SIMC1: variants seen among roughly 807,000 people sequenced by gnomAD.
SIMC1 encodes the protein SUMO interacting motifs containing 1.
Under a neutral mutation model 82.3 loss-of-function variants are expected in SIMC1, and 55 were observed. That is an observed-to-expected ratio of 0.67 (90% CI 0.54 to 0.84). The LOEUF is 0.84. Ranked by LOEUF, SIMC1 falls within the 40% of genes least tolerant of loss-of-function variation. The pLI, the probability that SIMC1 is intolerant of heterozygous loss-of-function variation, is 0.00. For missense variants in SIMC1, 915 were observed against 1,107.2 expected (o/e 0.83, Z 2.46); for synonymous variants, 353 against 426.3 (o/e 0.83, Z 2.12).
chr5:176,272,087 C>T (rs1762462268), intron 1 of SIMC1, among the ~76,000 whole-genome samples: 1 of 141,190 alleles, frequency 7.1e-6, no homozygotes, highest in Admixed American at 7.6e-5. Flanking sequence ...TCACGCTGGT[C>T]ATCCCACCAC....
chr5:176,333,567 T>C (rs1581328263), intron 7 of SIMC1, among the ~76,000 whole-genome samples: 2 of 151,838 alleles, frequency 1.3e-5, no homozygotes, highest in Admixed American at 1.3e-4. Flanking sequence ...GTAGCTGAGA[T>C]GACAGGTGCG....
intron 1 of SIMC1, among the ~76,000 whole-genome samples, chr5:176,251,923 CA>C (rs1424510639): frequency 6.7e-5 from 10 of 149,814 alleles, no homozygotes; most frequent in Admixed American, 6.7e-4. Context: ...AACAGGATCC[CA>C]AGGCAGAAGA....
At chr5:176,255,341 G>A (rs1475696361) in intron 1 of SIMC1, among the ~76,000 whole-genome samples, 1 of 151,908 alleles carries the variant, frequency 6.6e-6, no homozygotes, top group Non-Finnish European at 1.5e-5. Context: ...CAGCACTTTG[G>A]GAGGCTGAGG....
At chr5:176,301,630 T>G (rs1764043442) in intron 4 of SIMC1, among the ~76,000 whole-genome samples, 1 of 151,876 alleles carries the variant, frequency 6.6e-6, no homozygotes, top group Admixed American at 6.6e-5. Context: ...ATAACAAAAA[T>G]TAACCGAGTA....
chr5:176,268,518 T>C (rs1204827514), intron 1 of SIMC1, among the ~76,000 whole-genome samples: 2 of 149,760 alleles, frequency 1.3e-5, no homozygotes, highest in East Asian at 3.9e-4. Context: ...CACAAGAAAT[T>C]TGTAGTAACT....
At chr5:176,252,821 T>C (rs1761723493) in intron 1 of SIMC1, among the ~76,000 whole-genome samples, 1 of 152,116 alleles carries the variant, frequency 6.6e-6, no homozygotes, top group Non-Finnish European at 1.5e-5. Flanking sequence ...CGAGCTGAGA[T>C]CATGCCACTG....
At position 176,285,751 on chromosome 5, in the gene SIMC1, C is replaced by A. The variant is rs368185381; in HGVS notation, c.130-3903C>A. 9.7e-4 allele frequency among the ~76,000 whole-genome samples: 148 copies of A among 152,240 alleles called. No individual in the cohort carries two copies. In the Middle Eastern group the frequency reaches 0.024, roughly 24 times the overall value. On this transcript the variant is annotated intron_variant, in intron 1 of 9. Coordinates refer to ENST00000429602, the MANE Select transcript of SIMC1 (RefSeq NM_001308195.2). ...TATTTAGAAAACCCCATCGTCTCAG[C>A]CCAAAATCTCCTTAAGCTGATAAGC...
intron 2 of SIMC1, among the ~76,000 whole-genome samples, chr5:176,293,360 G>A (rs554734571): frequency 2.6e-4 from 40 of 151,602 alleles, no homozygotes; most frequent in Non-Finnish European, 4.1e-4. Flanking sequence ...GCATGAACCC[G>A]GGAGGCGGAA....
At chr5:176,301,546 G>T (rs1193303326) in intron 4 of SIMC1, among the ~76,000 whole-genome samples, 1 of 152,182 alleles carries the variant, frequency 6.6e-6, no homozygotes, top group African/African-American at 2.4e-5. Flanking sequence ...GGGAGGCCAA[G>T]GTGGGCGGAT....
At position 176,324,618 on chromosome 5, in the gene SIMC1, T is replaced by C. The variant is rs749681123; in HGVS notation, c.2043-11T>C. 10 of 1,610,366 alleles carry C rather than the reference T, an allele frequency of 6.2e-6. No homozygotes were observed. Among genetic ancestry groups the C allele is most frequent in the African/African-American group, 2.7e-5 (2 of 74,990 alleles). On this transcript the variant is annotated splice_polypyrimidine_tract_variant and intron_variant, in intron 6 of 9. Transcript: ENST00000429602. ...CCTCACACTCATCTGTGTCCTATGTTCTGGACTCAGGATTGTGTGCCAGCT... is the reference window on the plus strand; with the variant it reads ...CCTCACACTCATCTGTGTCCTATGTCCTGGACTCAGGATTGTGTGCCAGCT...
intron 1 of SIMC1, chr5:176,261,112 T>G (rs1198287290): frequency 6.6e-6 from 1 of 152,166 alleles, no homozygotes; most frequent in African/African-American, 2.4e-5. Context: ...GTTCAAGTGA[T>G]TCTCCTGCCT....
At chr5:176,316,635 G>A (rs1764921773) in intron 5 of SIMC1, among the ~76,000 whole-genome samples, 1 of 152,032 alleles carries the variant, frequency 6.6e-6, no homozygotes, top group Non-Finnish European at 1.5e-5. Flanking sequence ...GTTGCAGTGA[G>A]CTGAGATCGC....
intron 4 of SIMC1, among the ~76,000 whole-genome samples, chr5:176,298,154 A>G (rs1306280476): frequency 6.6e-6 from 1 of 152,234 alleles, no homozygotes; most frequent in Non-Finnish European, 1.5e-5. Flanking sequence ...AACATAGTCT[A>G]TCAAAAGTGC....
intron 1 of SIMC1, among the ~76,000 whole-genome samples, chr5:176,272,964 A>G (rs1762512289): frequency 6.6e-6 from 1 of 152,206 alleles, no homozygotes; most frequent in Non-Finnish European, 1.5e-5. Flanking sequence ...AGCCCACCGC[A>G]GCTCAAGGCC....
At position 176,345,323 on chromosome 5, in the gene SIMC1, C is replaced by T. The variant is rs754882610; in HGVS notation, c.2554C>T (p.Leu852=). 9.9e-6 allele frequency: 16 copies of T among 1,613,882 alleles called. No individual in the cohort carries two copies. The highest frequency in any genetic ancestry group is 1.4e-5 in the Non-Finnish European group (16 of 1,179,908). ...EAFRSRLIQM[L]GEPLVPQLQD... Reference sequence around the variant, plus strand: ...CTTCCGCAGCCGCCTGATCCAGATGCTGGGGGAGCCTCTTGTCCCCCAACT... The same window carrying T: ...CTTCCGCAGCCGCCTGATCCAGATGTTGGGGGAGCCTCTTGTCCCCCAACT... The change falls in exon 10 of 10, where the codon CTG becomes TTG. Residue 852 remains leucine (L), a synonymous_variant. Transcript: ENST00000429602.
In SIMC1 at chr5:176,289,748, G is replaced by C. The variant is rs760457354; in HGVS notation, c.224G>C (p.Arg75Thr). Residue 75 changes from arginine (R) to threonine (T), a missense_variant, in exon 2 of 10, where the codon AGA becomes ACA. By Grantham distance (71) the Arg-to-Thr change is moderately conservative. Transcript: ENST00000429602. Reference sequence around the variant, plus strand: ...CTGACAAGAGCTGAGGGAGAAAATAGACCTATTGCCACTCTTGACTTAACT... The same window carrying C: ...CTGACAAGAGCTGAGGGAGAAAATACACCTATTGCCACTCTTGACTTAACT... ...IDLTRAEGENRPIATLDLTLE... is the reference protein window; with the variant it reads ...IDLTRAEGENTPIATLDLTLE... The C allele has an allele frequency of 6.2e-7, 1 of 1,613,838 alleles. No individual in the cohort carries two copies. The highest frequency in any genetic ancestry group is 1.7e-5 in the Admixed American group (1 of 59,988).
At chr5:176,333,587 G>A (rs1462636920) in intron 7 of SIMC1, among the ~76,000 whole-genome samples, 2 of 151,688 alleles carry the variant, frequency 1.3e-5, no homozygotes, top group Admixed American at 6.6e-5. Flanking sequence ...GCACCACCAC[G>A]CCCAGCTAAT....
Position 176,306,125 on chromosome 5 carries a change from C to A in SIMC1, c.1735-7566C>A, listed in dbSNP as rs1371803839. 7.0e-4 allele frequency among the ~76,000 whole-genome samples: 56 copies of A among 79,842 alleles called. 1 individual carries two copies. Among genetic ancestry groups the A allele is most frequent in the Admixed American group, 5.5e-3 (50 of 9,098 alleles). 52.4% of individuals were successfully genotyped at this position (79,842 alleles called of 152,430 possible). A position where few individuals can be genotyped will look rare whatever the true frequency, so the allele number is the denominator to read the frequency against. On this transcript the variant is annotated intron_variant, in intron 4 of 9. Coordinates refer to ENST00000429602, the MANE Select transcript of SIMC1 (RefSeq NM_001308195.2). Reference sequence around the variant, plus strand: ...CGCCCCTACTGGGAAGTGAGGAGCCCCTCTGCCCGGCCAGCCGCCCCGTCC... The same window carrying A: ...CGCCCCTACTGGGAAGTGAGGAGCCACTCTGCCCGGCCAGCCGCCCCGTCC...
In SIMC1 at chr5:176,345,281, G is replaced by C; in HGVS notation, c.2512G>C (p.Glu838Gln). The C allele has an allele frequency of 6.2e-7, 1 of 1,614,026 alleles. No individual in the cohort carries two copies. Among genetic ancestry groups the C allele is most frequent in the Non-Finnish European group, 8.5e-7 (1 of 1,179,882 alleles). The change falls in exon 10 of 10, where the codon GAG becomes CAG. Residue 838 changes from glutamate to glutamine, a missense_variant. Coordinates refer to ENST00000429602, the MANE Select transcript of SIMC1 (RefSeq NM_001308195.2). ...QGDDITVVDV[E>Q]KQIEAFRSRL... ...AGATGACATCACAGTGGTAGACGTAGAGAAGCAGATTGAGGCCTTCCGCAG... is the reference window on the plus strand; with the variant it reads ...AGATGACATCACAGTGGTAGACGTACAGAAGCAGATTGAGGCCTTCCGCAG...
Sources: allele counts gnomAD v4.1 joint callset (sites outside exome capture counted in the v4.1 genomes callset), GRCh38; gene constraint gnomAD v4.1.1; transcripts MANE v1.5; gene names NCBI Gene and HGNC (gene_info 2026-07-23, HGNC 2026-07-21).